RELN: variants seen among roughly 807,000 people sequenced by gnomAD.
RELN encodes the protein reelin.
In RELN, 108 loss-of-function variants were observed where a neutral mutation model predicts 427.6. The ratio of observed to expected loss-of-function variants is 0.25; its 90% CI spans 0.22 to 0.30. RELN has a LOEUF of 0.30. Among genes scored for constraint, RELN ranks in the 10% least tolerant of loss-of-function variants. The probability of loss-of-function intolerance (pLI) is 1.00; values close to 1 mark genes in which losing one functional copy is unlikely to be tolerated. For synonymous variants in RELN, 1,524 were observed against 1,513.4 expected (o/e 1.01, Z -0.16); for missense variants, 3,715 against 4,302.8 (o/e 0.86, Z 3.82).
chr7:103,487,356 TAACA>T (rs2116990010), intron 60 of RELN, among the ~76,000 whole-genome samples: 1 of 148,698 alleles, frequency 6.7e-6, no homozygotes, highest in Non-Finnish European at 1.5e-5. Context: ...TATACCTATG[TAACA>T]AACCTGCATG....
In RELN at chr7:103,766,686, A is replaced by C. The variant is rs76396467; in HGVS notation, c.544+9871T>G. ...TTAATACAAATGATTTAAAAATTGC[A>C]AAGAGTTTGCATTTGGGATGAAGCA... On this transcript the variant is annotated intron_variant, in intron 4 of 64. Transcript: ENST00000428762. Among the ~76,000 whole-genome samples the C allele has an allele frequency of 1.4e-3, 217 of 152,306 alleles. 1 individual carries two copies. In the East Asian group the frequency reaches 0.025, roughly 18 times the overall value.
intron 3 of RELN, among the ~76,000 whole-genome samples, chr7:103,808,866 G>A (rs772551566): frequency 6.6e-6 from 1 of 152,104 alleles, no homozygotes; most frequent in Non-Finnish European, 1.5e-5. Context: ...AACTGAAACA[G>A]AAACGGGGTT....
chr7:103,787,085 C>A lies in RELN; in HGVS notation c.474-10458G>T, dbSNP rs113150364. Among the ~76,000 whole-genome samples the A allele has an allele frequency of 6.9e-3, 1,053 of 152,212 alleles. 13 individuals carry two copies. The highest frequency in any genetic ancestry group is 0.024 in the African/African-American group (1,009 of 41,540). On this transcript the variant is annotated intron_variant, in intron 3 of 64. Transcript: ENST00000428762. ...AACTACATGGAAACTGAAAAACCTGCTCCTGAATGACTACTGGGTAAATAA... is the reference window on the plus strand; with the variant it reads ...AACTACATGGAAACTGAAAAACCTGATCCTGAATGACTACTGGGTAAATAA...
At position 103,989,358 on chromosome 7, in the gene RELN, C is replaced by T; in HGVS notation, c.-2G>A. 2 of 1,265,224 alleles carry T rather than the reference C, an allele frequency of 1.6e-6. No homozygotes were observed. The highest frequency in any genetic ancestry group is 2.1e-6 in the Non-Finnish European group (2 of 970,400). 78.4% of individuals were successfully genotyped at this position (1,265,224 alleles called of 1,614,324 possible). ...CCGGGCCCAGCCACTGCGCTCCATGCCGCCGCCGCCGCCGCCGCCGCCGCG... is the reference window on the plus strand; with the variant it reads ...CCGGGCCCAGCCACTGCGCTCCATGTCGCCGCCGCCGCCGCCGCCGCCGCG... On this transcript the variant is annotated 5_prime_UTR_variant, in exon 1 of 65. Coordinates refer to ENST00000428762, the MANE Select transcript of RELN (RefSeq NM_005045.4). This position sits in a 1 kb window ranked among gnomAD's most constrained non-coding sequence, Gnocchi z 4.9.
chr7:103,799,202 T>C (rs565732699), intron 3 of RELN, among the ~76,000 whole-genome samples: 11 of 152,296 alleles, frequency 7.2e-5, no homozygotes, highest in African/African-American at 2.4e-4. Flanking sequence ...TCCAATACTT[T>C]GTACTTCCAG....
intron 34 of RELN, among the ~76,000 whole-genome samples, chr7:103,562,691 C>T (rs1186324922): frequency 6.6e-6 from 1 of 152,132 alleles, no homozygotes; most frequent in Non-Finnish European, 1.5e-5. Context: ...ATTTCAGCAG[C>T]ACCATTCTAA....
chr7:103,759,919 C>T (rs1791253090), intron 4 of RELN, among the ~76,000 whole-genome samples: 1 of 143,960 alleles, frequency 6.9e-6, no homozygotes, highest in African/African-American at 2.5e-5. Context: ...TTTCTGCAAA[C>T]TAAAATAGGC....
intron 41 of RELN, among the ~76,000 whole-genome samples, chr7:103,547,949 C>T (rs1830336102): frequency 6.6e-6 from 1 of 152,214 alleles, no homozygotes. Flanking sequence ...GAAAATTTCT[C>T]ACTGCCACCC....
At chr7:103,752,999 G>A (rs1791045124) in intron 5 of RELN, among the ~76,000 whole-genome samples, 183 bp downstream of exon 5, 1 of 152,180 alleles carries the variant, frequency 6.6e-6, no homozygotes, top group Admixed American at 6.5e-5. Flanking sequence ...TGGGCAGCAT[G>A]AATGTTTCCT....
At chr7:103,930,865 CAT>C (rs1491131767) in intron 1 of RELN, among the ~76,000 whole-genome samples, 10 of 96,024 alleles carry the variant, frequency 1.0e-4, no homozygotes, top group Non-Finnish European at 1.8e-4. Flanking sequence ...TGGGTGTGAG[CAT>C]ATGTGTGTGT....
intron 3 of RELN, among the ~76,000 whole-genome samples, chr7:103,781,370 C>CA (rs764346373): frequency 1.1e-4 from 17 of 152,118 alleles, no homozygotes; most frequent in East Asian, 5.8e-4. Flanking sequence ...TTATATATTC[C>CA]AAAATTGCTA....
At chr7:103,833,241 G>T (rs1793318565) in intron 3 of RELN, among the ~76,000 whole-genome samples, 1 of 151,884 alleles carries the variant, frequency 6.6e-6, no homozygotes, top group African/African-American at 2.4e-5. Context: ...ATTTCTCCCT[G>T]TTCCCCACGT....
At chr7:103,664,981 T>C (rs1833227345) in intron 11 of RELN, among the ~76,000 whole-genome samples, 1 of 152,156 alleles carries the variant, frequency 6.6e-6, no homozygotes, top group Non-Finnish European at 1.5e-5. Flanking sequence ...CTTTTCTCTA[T>C]GCTTTGTGCC....
At chr7:103,910,026 G>A (rs1271466670) in intron 2 of RELN, among the ~76,000 whole-genome samples, 1 of 132,662 alleles carries the variant, frequency 7.5e-6, no homozygotes, top group African/African-American at 2.9e-5. Context: ...TCACGATATT[G>A]ATTCTTCCTA....
chr7:103,718,649 T>C (rs1790001679), intron 8 of RELN, among the ~76,000 whole-genome samples: 1 of 152,146 alleles, frequency 6.6e-6, no homozygotes, highest in Non-Finnish European at 1.5e-5. Flanking sequence ...TAACACTTGG[T>C]AACATACTAT....
At chr7:103,604,128 A>G (rs1372441234) in intron 23 of RELN, among the ~76,000 whole-genome samples, 1 of 152,154 alleles carries the variant, frequency 6.6e-6, no homozygotes, top group Admixed American at 6.5e-5. Context: ...CCTTGTCTTG[A>G]GGTTAGAGTT....
chr7:103,802,177 T>A (rs1011756117), intron 3 of RELN, among the ~76,000 whole-genome samples: 7 of 152,130 alleles, frequency 4.6e-5, no homozygotes, highest in African/African-American at 1.4e-4. Flanking sequence ...GTTTCACAAA[T>A]TCAGGAGAAA....
chr7:103,482,577 T>C (rs1318405927), intron 63 of RELN, among the ~76,000 whole-genome samples: 1 of 152,240 alleles, frequency 6.6e-6, no homozygotes, highest in Non-Finnish European at 1.5e-5. Flanking sequence ...CCTTAAGACA[T>C]GGTTTCCCAT....
chr7:103,757,392 T>C (rs1470047765), intron 4 of RELN, among the ~76,000 whole-genome samples: 1 of 152,154 alleles, frequency 6.6e-6, no homozygotes, highest in Non-Finnish European at 1.5e-5. Flanking sequence ...TCTCAACATT[T>C]TATTGGTCTG....
Sources: allele counts gnomAD v4.1 joint callset (sites outside exome capture counted in the v4.1 genomes callset), GRCh38; gene constraint gnomAD v4.1.1; non-coding constraint Gnocchi (gnomAD v3.1); transcripts MANE v1.5; gene names NCBI Gene and HGNC (gene_info 2026-07-23, HGNC 2026-07-21).